Variants in LINGO1 observed in about 807,000 individuals in gnomAD.
The protein encoded by LINGO1 is leucine rich repeat and Ig domain containing 1, also known as leucine-rich repeat and immunoglobulin-like domain-containing nogo receptor-interacting protein 1.
A neutral mutation model predicts 37.3 loss-of-function variants in LINGO1; 11 were observed. That is an observed-to-expected ratio of 0.29 (90% CI 0.19 to 0.49). The LOEUF is 0.49. LINGO1 is among the 20% of genes least tolerant of loss of function. The pLI is 0.99. For synonymous variants in LINGO1, 387 were observed against 403.0 expected (o/e 0.96, Z 0.48); for missense variants, 585 against 878.2 (o/e 0.67, Z 4.22).
chr15:77,653,716 A>G (rs1027250874), intron 3 of LINGO1, among the ~76,000 whole-genome samples: 2 of 152,146 alleles, frequency 1.3e-5, no homozygotes, highest in African/African-American at 2.4e-5. Context: ...CCCAGAAGCA[A>G]AAGTCTTCCT....
At chr15:77,694,498 C>A (rs2075657061) in intron 1 of LINGO1, among the ~76,000 whole-genome samples, 1 of 152,114 alleles carries the variant, frequency 6.6e-6, no homozygotes, top group Admixed American at 6.5e-5. Flanking sequence ...CTGGAAGACG[C>A]AGGAATCTCC....
At chr15:77,733,532 C>T (rs1200500990) in intron 2 of LINGO1, among the ~76,000 whole-genome samples, 5 of 152,174 alleles carry the variant, frequency 3.3e-5, no homozygotes, top group African/African-American at 1.2e-4. Flanking sequence ...CACTGGGAGA[C>T]AAAGTGTAGG....
At chr15:77,790,066 C>T (rs1308961546), upstream of LINGO1, among the ~76,000 whole-genome samples, 1 of 152,132 alleles carries the variant, frequency 6.6e-6, no homozygotes, top group Non-Finnish European at 1.5e-5. Context: ...GCCACAGTGC[C>T]CAGCCCCTGC....
intron 2 of LINGO1, among the ~76,000 whole-genome samples, chr15:77,683,405 T>C (rs772618013): frequency 7.2e-5 from 11 of 152,158 alleles, no homozygotes; most frequent in Non-Finnish European, 1.2e-4. Flanking sequence ...GCAAGATATA[T>C]ATAAGGATGC....
chr15:77,745,487 T>C (rs2076305347), intron 1 of LINGO1, among the ~76,000 whole-genome samples: 3 of 151,248 alleles, frequency 2.0e-5, no homozygotes, highest in Admixed American at 1.3e-4. Context: ...CCATGTGTCC[T>C]GCTGAAATCC....
chr15:77,660,160 T>C (rs2074957178), intron 3 of LINGO1: 1 of 152,202 alleles, frequency 6.6e-6, no homozygotes, highest in Non-Finnish European at 1.5e-5. Flanking sequence ...CCACTCACTC[T>C]ATAGGGTTCG....
intron 3 of LINGO1, among the ~76,000 whole-genome samples, chr15:77,653,581 T>C (rs951289278): frequency 6.6e-6 from 1 of 152,232 alleles, no homozygotes; most frequent in African/African-American, 2.4e-5. Flanking sequence ...TGCTTTTTCA[T>C]CTGTTAAACG....
intron 2 of LINGO1, among the ~76,000 whole-genome samples, chr15:77,688,246 A>G (rs1463042117): frequency 6.6e-6 from 1 of 152,234 alleles, no homozygotes; most frequent in Non-Finnish European, 1.5e-5. Flanking sequence ...AGCCCAGCCA[A>G]GCCCCCCACT....
chr15:77,685,544 C>G (rs970661251), intron 2 of LINGO1, among the ~76,000 whole-genome samples: 1 of 152,134 alleles, frequency 6.6e-6, no homozygotes, highest in African/African-American at 2.4e-5. Flanking sequence ...GGTATTCAAA[C>G]ACGTAGAATC....
intron 3 of LINGO1, among the ~76,000 whole-genome samples, chr15:77,672,027 TC>T (rs2075259070): frequency 6.6e-6 from 1 of 151,456 alleles, no homozygotes; most frequent in Non-Finnish European, 1.5e-5. Flanking sequence ...CTCCTCCTCC[TC>T]CTCCTCCTGA....
rs1189015172 is a variant in LINGO1, at chr15:77,615,370, G to A, written c.537C>T (p.Leu179=). The A allele has an allele frequency of 2.5e-5, 41 of 1,613,876 alleles. No homozygotes were observed. Among genetic ancestry groups the A allele is most frequent in the East Asian group, 4.5e-5 (2 of 44,900 alleles). ...LKSLEVGDND[L]VYISHRAFSG... ...TGAAGGCGCGGTGAGAGATGTAGAC[G>A]AGGTCATTGTCGCCAACCTCCAGTG... The change falls in exon 2 of 2, where the codon CTC becomes CTT. Residue 179 remains leucine, a synonymous_variant. Transcript: ENST00000355300.
intron 2 of LINGO1, among the ~76,000 whole-genome samples, chr15:77,733,335 C>T (rs1267329711): frequency 1.3e-5 from 2 of 152,224 alleles, no homozygotes; most frequent in Admixed American, 1.3e-4. Flanking sequence ...GACAGAGAAC[C>T]CAAGAGACTA....
chr15:77,704,100 G>A (rs1255251460), intron 2 of LINGO1, among the ~76,000 whole-genome samples: 2 of 152,156 alleles, frequency 1.3e-5, no homozygotes, highest in Non-Finnish European at 2.9e-5. Context: ...TAAGATGAGG[G>A]CAATAATACC....
At position 77,795,214 on chromosome 15, in the gene LINGO1, G is replaced by A. The variant is rs73455789; in HGVS notation, c.-343+725C>T. On this transcript the variant is annotated intron_variant, in intron 2 of 5. Transcript: ENST00000562933. ...ACTTGTCCAAGGTCATGAGCAAGCCGGGGTCAAGCCAGGCAGCAACCCAGG... is the reference window on the plus strand; with the variant it reads ...ACTTGTCCAAGGTCATGAGCAAGCCAGGGTCAAGCCAGGCAGCAACCCAGG... 2.7e-3 allele frequency among the ~76,000 whole-genome samples: 407 copies of A among 152,254 alleles called. 2 individuals carry two copies. Among genetic ancestry groups the A allele is most frequent in the African/African-American group, 9.3e-3 (387 of 41,536 alleles).
intron 1 of LINGO1, among the ~76,000 whole-genome samples, chr15:77,627,395 G>A (rs2074127068): frequency 6.6e-6 from 1 of 152,148 alleles, no homozygotes; most frequent in Admixed American, 6.5e-5. Flanking sequence ...GGCTGGCAAG[G>A]ATCTGGAGGG....
intron 1 of LINGO1, among the ~76,000 whole-genome samples, chr15:77,746,919 G>A (rs778354445): frequency 6.6e-6 from 1 of 152,132 alleles, no homozygotes; most frequent in Non-Finnish European, 1.5e-5. Flanking sequence ...AGGGGCCATA[G>A]ATTAGCTGGC....
At chr15:77,820,807 G>C (rs914840487), upstream of LINGO1, 1 of 152,426 alleles carries the variant, frequency 6.6e-6, no homozygotes. Flanking sequence ...TGAGGCCACC[G>C]CTGAGACTGC....
intron 2 of LINGO1, among the ~76,000 whole-genome samples, chr15:77,793,485 T>TC (rs1430348584): frequency 6.6e-6 from 1 of 152,116 alleles, no homozygotes; most frequent in Non-Finnish European, 1.5e-5. Context: ...GCCCTGCCAC[T>TC]CCCCAGACAC....
chr15:77,661,944 G>A (rs924412870), intron 3 of LINGO1, among the ~76,000 whole-genome samples: 8 of 152,188 alleles, frequency 5.3e-5, no homozygotes, highest in African/African-American at 1.9e-4. Context: ...ATCCTCATGG[G>A]CCACTCCTGC....
Sources: gnomAD v4.1 joint callset for allele counts (sites outside exome capture counted in the v4.1 genomes callset) on GRCh38, gnomAD v4.1.1 for gene constraint, MANE v1.5 for transcripts, NCBI Gene and HGNC (gene_info 2026-07-23, HGNC 2026-07-21) for gene names.